Variants in USP6NL observed in about 807,000 individuals in gnomAD.
The protein encoded by USP6NL is USP6 N-terminal like, also known as USP6 N-terminal-like protein.
Under a neutral mutation model 61.9 loss-of-function variants are expected in USP6NL, and 26 were observed. The observed-to-expected ratio is 0.42, with a 90% CI of 0.31 to 0.58. The LOEUF (loss-of-function observed/expected upper bound fraction) is 0.58, where lower values mean the gene tolerates loss of function less well. Ranked by LOEUF, USP6NL falls within the 20% of genes least tolerant of loss-of-function variation. The pLI is 0.16. For missense variants in USP6NL, 1,114 were observed against 1,034.3 expected, an observed-to-expected ratio of 1.08 and a Z score of -1.06; for synonymous variants, 432 against 390.1, an observed-to-expected ratio of 1.11 and a Z score of -1.27.
intron 2 of USP6NL, among the ~76,000 whole-genome samples, chr10:11,571,234 C>G (rs930818100): frequency 6.6e-6 from 1 of 152,068 alleles, no homozygotes; most frequent in Non-Finnish European, 1.5e-5. Flanking sequence ...CAGGCATGCA[C>G]CACCACGCCC....
At chr10:11,505,348 T>C (rs2133325132) in intron 6 of USP6NL, among the ~76,000 whole-genome samples, 1 of 152,338 alleles carries the variant, frequency 6.6e-6, no homozygotes, top group East Asian at 1.9e-4. Flanking sequence ...ATTCATTCAT[T>C]GTAATATTAC....
At chr10:11,560,049 C>T (rs1836864597) in intron 2 of USP6NL, among the ~76,000 whole-genome samples, 1 of 152,102 alleles carries the variant, frequency 6.6e-6, no homozygotes, top group African/African-American at 2.4e-5. Context: ...CTTACTTGTT[C>T]TACGTTGTCC....
rs186583954 is a variant in USP6NL, at chr10:11,479,204, C to A, written c.1078+2566G>T. The stretch of plus-strand genomic sequence containing the variant: ...TGTGGAAAATTCTTTACAAAAAACA[C>A]AAAAGCAAGAAGCCATAGGGAAAGC... On this transcript the variant is annotated intron_variant, in intron 14 of 14. Coordinates refer to ENST00000609104, the MANE Select transcript of USP6NL (RefSeq NM_014688.5). Among the ~76,000 whole-genome samples the A allele has an allele frequency of 3.1e-3, 469 of 152,180 alleles. 4 individuals are homozygous for A. In the East Asian group the frequency reaches 0.036, roughly 12 times the overall value.
intron 4 of USP6NL, among the ~76,000 whole-genome samples, chr10:11,524,299 A>G (rs1466654956): frequency 2.0e-5 from 3 of 152,172 alleles, no homozygotes; most frequent in Non-Finnish European, 4.4e-5. Flanking sequence ...ATAACACTTA[A>G]TATTTGTCCA....
intron 2 of USP6NL, among the ~76,000 whole-genome samples, chr10:11,582,497 T>C (rs1187437438): frequency 6.6e-6 from 1 of 152,192 alleles, no homozygotes; most frequent in African/African-American, 2.4e-5. Context: ...TTACAGCACA[T>C]TACTACAAAA....
At chr10:11,543,225 A>G (rs1226545452) in intron 2 of USP6NL, among the ~76,000 whole-genome samples, 1 of 152,188 alleles carries the variant, frequency 6.6e-6, no homozygotes, top group South Asian at 2.1e-4. Context: ...ATCCAAATAT[A>G]TATTTCTTCA....
rs1328343582 is a variant in USP6NL at position 11,591,621 on chromosome 10, A to C, written c.4+6010T>G. Among the ~76,000 whole-genome samples, 2 of 152,106 alleles carry C rather than the reference A, an allele frequency of 1.3e-5. No homozygotes were observed. Among genetic ancestry groups the C allele is most frequent in the Non-Finnish European group, 2.9e-5 (2 of 68,018 alleles). Reference sequence around the variant, plus strand: ...ACATTTCAATTTCTTTTCTAGATAGAGGTGTGTGTGAGAGAGGGAAAGGGA... The same window carrying C: ...ACATTTCAATTTCTTTTCTAGATAGCGGTGTGTGTGAGAGAGGGAAAGGGA... On this transcript the variant is annotated intron_variant, in intron 2 of 14. Transcript: ENST00000609104. The surrounding 1 kb of genome is among the most constrained non-coding windows in gnomAD (Gnocchi z 4.7).
Position 11,462,948 on chromosome 10 carries a change from A to T in USP6NL, c.1980T>A (p.Pro660=), listed in dbSNP as rs746204500. 2.2e-5 allele frequency: 35 copies of T among 1,613,642 alleles called. No homozygotes were observed. Among genetic ancestry groups the T allele is most frequent in the Middle Eastern group, 1.6e-4 (1 of 6,084 alleles). Residue 660 remains proline (P), a synonymous_variant, in exon 15 of 15, where the codon CCT becomes CCA. Coordinates refer to ENST00000609104, the MANE Select transcript of USP6NL (RefSeq NM_014688.5). ...TCCTGGAAGGATTCAGTTGAGTCCC[A>T]GGGCTAAACTGTGGAGAAGCAAAGC... ...NSSFASPQFS[P]GTQLNPSRRP... is the part of the protein sequence containing the mutation.
At chr10:11,603,155 C>A (rs1215889276) in intron 1 of USP6NL, among the ~76,000 whole-genome samples, 1 of 152,124 alleles carries the variant, frequency 6.6e-6, no homozygotes, top group Non-Finnish European at 1.5e-5. Flanking sequence ...CTGGTTTCAT[C>A]GGTTTCTTTA....
At chr10:11,492,043 A>G (rs1387717825) in intron 8 of USP6NL, among the ~76,000 whole-genome samples, 2 of 152,206 alleles carry the variant, frequency 1.3e-5, no homozygotes, top group South Asian at 4.1e-4. Flanking sequence ...AGGTATCTTA[A>G]TAACAGTCAG....
chr10:11,517,938 G>A (rs1010480928), intron 5 of USP6NL, among the ~76,000 whole-genome samples: 10 of 152,124 alleles, frequency 6.6e-5, no homozygotes, highest in African/African-American at 1.2e-4. Context: ...AAAACATTCC[G>A]TCACTACTTC....
intron 4 of USP6NL, among the ~76,000 whole-genome samples, chr10:11,519,614 G>A (rs1485005663): frequency 6.6e-6 from 1 of 152,056 alleles, no homozygotes; most frequent in Non-Finnish European, 1.5e-5. Flanking sequence ...TGGGCAAGAA[G>A]AGCAAAATTC....
Position 11,597,060 on chromosome 10 carries a change from AG to A in USP6NL, c.4+570del, listed in dbSNP as rs1838354533. 6.6e-6 allele frequency among the ~76,000 whole-genome samples: 1 copy of A among 152,164 alleles called. No homozygotes were observed. The highest frequency in any genetic ancestry group is 2.1e-4 in the South Asian group (1 of 4,828). Reference sequence around the variant, plus strand: ...TAAAAAGAAACAGTTAACACAAAAAAGTAAAATCCAGTTCTCTTGTTCACAA... The same window carrying A: ...TAAAAAGAAACAGTTAACACAAAAAATAAAATCCAGTTCTCTTGTTCACAA... On this transcript the variant is annotated intron_variant, in intron 2 of 14. Coordinates refer to ENST00000609104, the MANE Select transcript of USP6NL (RefSeq NM_014688.5). The surrounding 1 kb of genome is among the most constrained non-coding windows in gnomAD (Gnocchi z 4.6).
At chr10:11,576,571 C>T (rs1423286540) in intron 2 of USP6NL, among the ~76,000 whole-genome samples, 1 of 152,234 alleles carries the variant, frequency 6.6e-6, no homozygotes, top group African/African-American at 2.4e-5. Context: ...CATCTATGAA[C>T]CAGAAAGCAG....
At chr10:11,512,891 T>C (rs996994056) in intron 5 of USP6NL, among the ~76,000 whole-genome samples, 3 of 152,232 alleles carry the variant, frequency 2.0e-5, no homozygotes, top group East Asian at 3.8e-4. Flanking sequence ...ATCTGAGTTC[T>C]GTCCCATACT....
rs1403757481 is a variant in USP6NL, at chr10:11,544,557, G to A, written c.5-16990C>T. Among the ~76,000 whole-genome samples, 4 of 151,660 alleles carry A rather than the reference G, an allele frequency of 2.6e-5. No homozygotes were observed. The East Asian group carries it at 7.8e-4, about 29-fold the overall frequency. On this transcript the variant is annotated intron_variant, in intron 2 of 14. Coordinates refer to ENST00000609104, the MANE Select transcript of USP6NL (RefSeq NM_014688.5). Reference sequence around the variant, plus strand: ...GGCTGGAGTGCAGTTGCACGATCTCGGCTCACTGCAACCTCATCCTCCTGG... The same window carrying A: ...GGCTGGAGTGCAGTTGCACGATCTCAGCTCACTGCAACCTCATCCTCCTGG...
chr10:11,492,376 A>T (rs182193957), intron 8 of USP6NL, among the ~76,000 whole-genome samples: 42 of 152,306 alleles, frequency 2.8e-4, no homozygotes, highest in Non-Finnish European at 5.1e-4. Flanking sequence ...AAAAATCCAT[A>T]ATCTGTTAAC....
chr10:11,480,113 C>T (rs982141207), intron 14 of USP6NL, among the ~76,000 whole-genome samples: 1 of 152,216 alleles, frequency 6.6e-6, no homozygotes, highest in African/African-American at 2.4e-5. Context: ...CTCCCCTGCC[C>T]CATTCTCTGT....
chr10:11,462,992 A>G lies in USP6NL; in HGVS notation c.1936T>C (p.Phe646Leu). The stretch of plus-strand genomic sequence containing the variant: ...GCAAAGCTGCTGTTGGCAGTAGGGA[A>G]GTGTTTGGGAGAGTTTCCGTGGTAA... ...PVYHGNSPKHFPTANSSFASP... is the reference protein window; with the variant it reads ...PVYHGNSPKHLPTANSSFASP... Residue 646 changes from phenylalanine (F) to leucine (L), a missense_variant, in exon 15 of 15, where the codon TTC becomes CTC. By Grantham distance (22) the Phe-to-Leu change is conservative (BLOSUM62 0). Transcript: ENST00000609104. The G allele has an allele frequency of 6.2e-7, 1 of 1,613,774 alleles. No homozygotes were observed. Among genetic ancestry groups the G allele is most frequent in the Non-Finnish European group, 8.5e-7 (1 of 1,179,812 alleles).
Sources: allele counts gnomAD v4.1 joint callset (sites outside exome capture counted in the v4.1 genomes callset), GRCh38; gene constraint gnomAD v4.1.1; non-coding constraint Gnocchi (gnomAD v3.1); transcripts MANE v1.5; gene names NCBI Gene and HGNC (gene_info 2026-07-23, HGNC 2026-07-21).